The following CSGALNACT1 variants were observed in gnomAD, a reference collection of about 807,000 sequenced individuals.
CSGALNACT1 encodes the protein chondroitin sulfate N-acetylgalactosaminyltransferase 1.
CSGALNACT1 carries 52 observed loss-of-function variants against 51.0 expected under a neutral mutation model. The observed-to-expected ratio is 1.02, with a 90% CI of 0.82 to 1.29. The LOEUF (loss-of-function observed/expected upper bound fraction) is 1.29, where lower values mean the gene tolerates loss of function less well. Among genes scored for constraint, CSGALNACT1 ranks in the 50% most tolerant of loss-of-function variants. The probability of loss-of-function intolerance (pLI) is 0.00; values close to 1 mark genes in which losing one functional copy is unlikely to be tolerated. For synonymous variants in CSGALNACT1, 341 were observed against 254.4 expected (o/e 1.34, Z -3.24); for missense variants, 935 against 679.2 (o/e 1.38, Z -4.19).
At chr8:19,666,809 A>AAGAAAGAAAGAAAGAGAGAGAG (rs1564383214) in intron 1 of CSGALNACT1, among the ~76,000 whole-genome samples, 2 of 25,064 alleles carry the variant, frequency 8.0e-5, no homozygotes, top group African/African-American at 2.5e-4. Context: ...GAAAGAAAGA[A>AAGAAAGAAAGAAAGAGAGAGAG]AGAGAGAGAG....
chr8:19,450,060 A>G (rs1026529127), intron 5 of CSGALNACT1, among the ~76,000 whole-genome samples: 1 of 127,034 alleles, frequency 7.9e-6, no homozygotes, highest in Non-Finnish European at 1.7e-5. Context: ...GTGGAAGAAG[A>G]AAGAAGAAAG....
At chr8:19,636,094 G>C (rs1028076254) in intron 1 of CSGALNACT1, among the ~76,000 whole-genome samples, 1 of 152,144 alleles carries the variant, frequency 6.6e-6, no homozygotes, top group African/African-American at 2.4e-5. Context: ...ATATGCCGTA[G>C]TCCCGCTTAT....
At chr8:19,719,315 G>C (rs1174987337) in intron 1 of CSGALNACT1, among the ~76,000 whole-genome samples, 1 of 152,122 alleles carries the variant, frequency 6.6e-6, no homozygotes, top group East Asian at 1.9e-4. Flanking sequence ...TCCCATGCCT[G>C]GCACAGACTC....
chr8:19,728,627 C>T (rs117009166), intron 1 of CSGALNACT1, among the ~76,000 whole-genome samples: 1 of 152,150 alleles, frequency 6.6e-6, no homozygotes. Context: ...CATGTTCATT[C>T]CACATTTCAG....
intron 3 of CSGALNACT1, among the ~76,000 whole-genome samples, chr8:19,514,640 G>T (rs1362869591): frequency 2.7e-5 from 4 of 147,708 alleles, no homozygotes; most frequent in Non-Finnish European, 6.0e-5. Flanking sequence ...GGCCAACATG[G>T]TGAAACCCCG....
intron 4 of CSGALNACT1, among the ~76,000 whole-genome samples, chr8:19,466,333 G>C (rs529691005): frequency 6.6e-6 from 1 of 152,106 alleles, no homozygotes; most frequent in African/African-American, 2.4e-5. Flanking sequence ...CCAAAAGGCT[G>C]AGAAGCGATG....
upstream of CSGALNACT1, among the ~76,000 whole-genome samples, chr8:19,605,957 G>T (rs2051310611): frequency 6.6e-6 from 1 of 152,098 alleles, no homozygotes; most frequent in African/African-American, 2.4e-5. Flanking sequence ...ACATTTTAAT[G>T]TCCAAAGGGC....
intron 6 of CSGALNACT1, among the ~76,000 whole-genome samples, chr8:19,424,625 G>A (rs1457924140): frequency 6.6e-6 from 1 of 152,208 alleles, no homozygotes; most frequent in Non-Finnish European, 1.5e-5. Flanking sequence ...GACAAGATGA[G>A]GAGGAATTGG....
chr8:19,431,381 T>A (rs2059628254), intron 6 of CSGALNACT1, among the ~76,000 whole-genome samples: 1 of 152,152 alleles, frequency 6.6e-6, no homozygotes. Flanking sequence ...AAAAGGATGT[T>A]GGATTTTTAA....
chr8:19,719,855 G>A (rs1312411718), intron 1 of CSGALNACT1, among the ~76,000 whole-genome samples: 3 of 151,668 alleles, frequency 2.0e-5, no homozygotes, highest in African/African-American at 4.8e-5. Context: ...CACCTCCCTC[G>A]CCTAGATCCC....
chr8:19,630,966 G>A (rs1200966057), intron 1 of CSGALNACT1, among the ~76,000 whole-genome samples: 1 of 152,088 alleles, frequency 6.6e-6, no homozygotes, highest in Non-Finnish European at 1.5e-5. Context: ...ATATTGACAT[G>A]TTATTAACTA....
chr8:19,667,410 T>C lies in CSGALNACT1; in HGVS notation c.-544+15063A>G, dbSNP rs977763305. Among the ~76,000 whole-genome samples the C allele has an allele frequency of 2.8e-4, 42 of 152,186 alleles. 1 individual carries two copies. The highest frequency in any genetic ancestry group is 2.1e-4 in the South Asian group (1 of 4,830). On this transcript the variant is annotated intron_variant, in intron 1 of 9. Transcript: ENST00000332246. ...GAGATCACACCACTGCACTCCAGCC[T>C]GAGCAATAGAGCAAGACCCTGTCTC...
intron 1 of CSGALNACT1, among the ~76,000 whole-genome samples, chr8:19,666,959 GAA>G (rs1483844701): frequency 8.1e-5 from 1 of 12,408 alleles, no homozygotes; most frequent in Non-Finnish European, 1.4e-4. Context: ...AAGAAAGAAA[GAA>G]AGAAAGAAAG....
At chr8:19,605,574 A>T (rs571977794), upstream of CSGALNACT1, among the ~76,000 whole-genome samples, 1 of 152,308 alleles carries the variant, frequency 6.6e-6, no homozygotes, top group Admixed American at 6.5e-5. Flanking sequence ...AGCATTATGG[A>T]AGAGCTCATG....
upstream of CSGALNACT1, among the ~76,000 whole-genome samples, chr8:19,606,704 AC>A (rs1275595459): frequency 6.6e-6 from 1 of 152,142 alleles, no homozygotes; most frequent in Admixed American, 6.6e-5. Flanking sequence ...CAAGTGGGTC[AC>A]CCTGCTTTTC....
chr8:19,612,946 GAAAAAAAAAAAAAAAAAAAAAAA>G (rs1165754811), intron 1 of CSGALNACT1, among the ~76,000 whole-genome samples: 1 of 15,428 alleles, frequency 6.5e-5, no homozygotes. Flanking sequence ...AAAGCAGCTG[GAAAAAAAAAAAAAAAAAAAAAAA>G]AAAAAAAAAA....
intron 1 of CSGALNACT1, among the ~76,000 whole-genome samples, chr8:19,613,826 G>A (rs1205508328): frequency 2.0e-5 from 3 of 152,148 alleles, no homozygotes; most frequent in Non-Finnish European, 2.9e-5. Flanking sequence ...CTTTCGCACT[G>A]AGATTTCTGG....
At chr8:19,573,541 T>A (rs1372607090) in intron 3 of CSGALNACT1, among the ~76,000 whole-genome samples, 2 of 152,122 alleles carry the variant, frequency 1.3e-5, no homozygotes, top group Non-Finnish European at 2.9e-5. Context: ...CCTCCCAGGT[T>A]CAAGCCATTC....
chr8:19,465,077 A>G (rs530337189), intron 4 of CSGALNACT1, among the ~76,000 whole-genome samples: 2 of 152,230 alleles, frequency 1.3e-5, no homozygotes, highest in Admixed American at 6.5e-5. Flanking sequence ...ACAAAAGCCA[A>G]AAGATAAAAA....
Sources: allele counts gnomAD v4.1 joint callset (sites outside exome capture counted in the v4.1 genomes callset), GRCh38; gene constraint gnomAD v4.1.1; transcripts MANE v1.5; gene names NCBI Gene and HGNC (gene_info 2026-07-23, HGNC 2026-07-21).